Variants in LEMD2 observed in about 807,000 individuals in gnomAD.
LEMD2 encodes the protein LEM domain-containing protein 2.
Under a neutral mutation model 58.8 loss-of-function variants are expected in LEMD2, and 34 were observed. The observed-to-expected ratio is 0.58, with a 90% CI of 0.44 to 0.77. The LOEUF is 0.77. Ranked by LOEUF, LEMD2 falls within the 30% of genes least tolerant of loss-of-function variation. The probability of loss-of-function intolerance (pLI) is 0.00; values close to 1 mark genes in which losing one functional copy is unlikely to be tolerated. For missense variants in LEMD2, 629 were observed against 717.9 expected (o/e 0.88, Z 1.42); for synonymous variants, 298 against 308.9 (o/e 0.96, Z 0.37).
Position 33,789,086 on chromosome 6 carries a change from G to T in LEMD2, c.31C>A (p.Arg11=), listed in dbSNP as rs775071543. 1.3e-6 allele frequency: 2 copies of T among 1,540,984 alleles called. No individual in the cohort carries two copies. The highest frequency in any genetic ancestry group is 2.0e-5 in the Admixed American group (1 of 50,770). MAGLSDLELR[R]ELQALGFQPG... The stretch of plus-strand genomic sequence containing the variant: ...TGGAAGCCCAGGGCCTGCAGCTCCC[G>T]CCGCAGTTCCAGGTCCGACAGGCCG... Residue 11 remains arginine (R), a synonymous_variant, in exon 1 of 9, where the codon CGG becomes AGG. Coordinates refer to ENST00000293760, the MANE Select transcript of LEMD2 (RefSeq NM_181336.4).
Position 33,778,171 on chromosome 6 carries a change from A to C in LEMD2, c.1156+71T>G. On this transcript the variant is annotated intron_variant, in intron 6 of 8. Transcript: ENST00000293760. The surrounding 1 kb of genome is among the most constrained non-coding windows in gnomAD (Gnocchi z 4.7). Reference sequence around the variant, plus strand: ...TGAACCCTCCGGGCCTGGAATTTCTATAGCTCATCATTCATGCCTAGGAGT... The same window carrying C: ...TGAACCCTCCGGGCCTGGAATTTCTCTAGCTCATCATTCATGCCTAGGAGT... 7.0e-7 allele frequency: 1 copy of C among 1,422,370 alleles called. No individual in the cohort carries two copies. The highest frequency in any genetic ancestry group is 1.4e-5 in the African/African-American group (1 of 69,254). The allele number at this position is 1,422,370 out of a possible 1,614,324, so 88.1% of individuals were successfully genotyped here. A position where few individuals can be genotyped will look rare whatever the true frequency, so the allele number is the denominator to read the frequency against.
chr6:33,777,437 T>C (rs996503505), intron 6 of LEMD2, among the ~76,000 whole-genome samples, 198 bp from the exon 7 acceptor site: 1 of 152,194 alleles, frequency 6.6e-6, no homozygotes. Flanking sequence ...TAAGTGATCA[T>C]CTTCCTCCCA....
In LEMD2 at chr6:33,788,382, G is replaced by A. The variant is rs1451441441; in HGVS notation, c.735C>T (p.Asn245=). The A allele has an allele frequency of 8.3e-6, 13 of 1,573,000 alleles. No homozygotes were observed. In the East Asian group the frequency reaches 2.8e-4, roughly 34 times the overall value. ...KPSAPQEAED[N]MKLLPVDCER... ...CCCCTGCGCCGGCCCAGGACGTACT[G>A]TTGTCCTCCGCCTCCTGCGGCGCTG... The change falls in exon 1 of 9, where the codon AAC becomes AAT. Residue 245 remains asparagine (N), a splice_region_variant and synonymous_variant. Coordinates refer to ENST00000293760, the MANE Select transcript of LEMD2 (RefSeq NM_181336.4).
At chr6:33,787,633 T>C (rs937367993) in intron 1 of LEMD2, among the ~76,000 whole-genome samples, 8 of 152,260 alleles carry the variant, frequency 5.3e-5, no homozygotes, top group African/African-American at 1.7e-4. Context: ...ATGATCTCTA[T>C]GTTTCCTTTC....
intron 8 of LEMD2, among the ~76,000 whole-genome samples, chr6:33,775,227 A>T (rs1767401650): frequency 6.6e-6 from 1 of 152,248 alleles, no homozygotes; most frequent in Non-Finnish European, 1.5e-5. Flanking sequence ...TGCTGCTGTG[A>T]GTCTGCTCAC....
rs144073406 is a variant in LEMD2 at position 33,774,771 on chromosome 6, T to C, written c.1362-1993A>G. Among the ~76,000 whole-genome samples, 4 of 152,298 alleles carry C rather than the reference T, an allele frequency of 2.6e-5. No homozygotes were observed. The East Asian group carries it at 5.8e-4, about 22-fold the overall frequency. On this transcript the variant is annotated intron_variant, in intron 8 of 8. Transcript: ENST00000293760. ...ATGAACTTTGAGGCCACCACCCTGA[T>C]ACCAACCCCCCTTCCCTTAGGGCTT...
At chr6:33,779,476 TG>T (rs773537406) in intron 5 of LEMD2, 2 of 149,200 alleles carry the variant, frequency 1.3e-5, no homozygotes, top group Non-Finnish European at 1.5e-5. Flanking sequence ...GAGTGGGAAG[TG>T]GGGAAGTGAT....
intron 6 of LEMD2, 105 bp from the exon 7 acceptor site, chr6:33,777,344 G>T: frequency 2.4e-6 from 2 of 825,602 alleles, no homozygotes; most frequent in Non-Finnish European, 2.2e-6. Context: ...CACCACATGG[G>T]TTTGGGTACC....
chr6:33,788,582 G>T lies in LEMD2; in HGVS notation c.535C>A (p.Pro179Thr). The change falls in exon 1 of 9, where the codon CCC becomes ACC. Residue 179 changes from proline (P) to threonine (T), a missense_variant. Transcript: ENST00000293760. ...GCCCGCAGGCCCGGGCGCGGGTCGGGACCGAGGAGGGAGGAAGGCAGCCGC... is the reference window on the plus strand; with the variant it reads ...GCCCGCAGGCCCGGGCGCGGGTCGGTACCGAGGAGGGAGGAAGGCAGCCGC... The part of the protein sequence containing the change: ...PARLPSSLLG[P>T]DPRPGLRATR... 1 of 1,323,872 alleles carries T rather than the reference G, an allele frequency of 7.6e-7. No individual in the cohort carries two copies. The highest frequency in any genetic ancestry group is 9.6e-7 in the Non-Finnish European group (1 of 1,040,928). The allele number at this position is 1,323,872 out of a possible 1,614,324, so 82.0% of individuals were successfully genotyped here. A position where few individuals can be genotyped will look rare whatever the true frequency, so the allele number is the denominator to read the frequency against.
chr6:33,788,739 C>A lies in LEMD2; in HGVS notation c.378G>T (p.Pro126=). 2.1e-6 allele frequency: 3 copies of A among 1,432,472 alleles called. No homozygotes were observed. Among genetic ancestry groups the A allele is most frequent in the Non-Finnish European group, 2.7e-6 (3 of 1,094,522 alleles). 88.7% of individuals were successfully genotyped at this position (1,432,472 alleles called of 1,614,324 possible). The change falls in exon 1 of 9, where the codon CCG becomes CCT. Residue 126 remains proline (P), a synonymous_variant. Coordinates refer to ENST00000293760, the MANE Select transcript of LEMD2 (RefSeq NM_181336.4). The part of the protein sequence containing the change: ...GSRGLAYPAR[P]AQLRRRASVR... ...CCGAGGCGCGGCGCCTGAGTTGCGC[C>A]GGGCGGGCAGGATAGGCGAGGCCGC...
chr6:33,783,004 C>T (rs755806592), intron 3 of LEMD2, among the ~76,000 whole-genome samples: 38 of 152,256 alleles, frequency 2.5e-4, no homozygotes, highest in Non-Finnish European at 4.6e-4. Flanking sequence ...TCTACTAGGA[C>T]CCAATTTCGA....
Position 33,772,565 on chromosome 6 carries a change from CCTG to C in LEMD2, c.*60_*62del. 6.5e-7 allele frequency: 1 copy of C among 1,526,952 alleles called. No individual in the cohort carries two copies. The highest frequency in any genetic ancestry group is 8.9e-7 in the Non-Finnish European group (1 of 1,120,942). 94.6% of individuals were successfully genotyped at this position (1,526,952 alleles called of 1,614,324 possible). A position where few individuals can be genotyped will look rare whatever the true frequency, so the allele number is the denominator to read the frequency against. ...TCAGCACCGCAGGCCTGGTGACCCTCCTGTGCCTCTGGAGTGGGCTGTCCTGGG... is the reference window on the plus strand; with the variant it reads ...TCAGCACCGCAGGCCTGGTGACCCTCTGCCTCTGGAGTGGGCTGTCCTGGG... On this transcript the variant is annotated 3_prime_UTR_variant, in exon 9 of 9. Coordinates refer to ENST00000293760, the MANE Select transcript of LEMD2 (RefSeq NM_181336.4).
In LEMD2 at chr6:33,788,569, G is replaced by C. The variant is rs1582265836; in HGVS notation, c.548C>G (p.Pro183Arg). The C allele has an allele frequency of 7.2e-7, 1 of 1,395,988 alleles. No homozygotes were observed. The highest frequency in any genetic ancestry group is 1.6e-5 in the South Asian group (1 of 63,304). 86.5% of individuals were successfully genotyped at this position (1,395,988 alleles called of 1,614,324 possible). A position where few individuals can be genotyped will look rare whatever the true frequency, so the allele number is the denominator to read the frequency against. Residue 183 changes from proline to arginine, a missense_variant, in exon 1 of 9, where the codon CCG (proline) becomes CGG (arginine). Physicochemically the swap from Pro to Arg is moderately radical, Grantham distance 103. Transcript: ENST00000293760. Reference protein sequence around the residue: ...PSSLLGPDPRPGLRATRAGPA... With the variant: ...PSSLLGPDPRRGLRATRAGPA... ...GCCCGCTCGAGTCGCCCGCAGGCCC[G>C]GGCGCGGGTCGGGACCGAGGAGGGA...
Position 33,789,061 on chromosome 6 carries a change from T to C in LEMD2, c.56A>G (p.Gln19Arg). ...LRRELQALGF[Q>R]PGPITDTTRD... ...GGTGGTGTCGGTGATGGGTCCTGGC[T>C]GGAAGCCCAGGGCCTGCAGCTCCCG... is the stretch of plus-strand genomic sequence containing the variant. Residue 19 changes from glutamine (Q) to arginine (R), a missense_variant, in exon 1 of 9, where the codon CAG (glutamine) becomes CGG (arginine). Gln to Arg is a conservative substitution (Grantham distance 43). Around this residue, in one of 2 missense-constraint regions of LEMD2, gnomAD observed 386 missense variants for 381.1 expected, o/e 1.01. Transcript: ENST00000293760. 6.4e-7 allele frequency: 1 copy of C among 1,551,580 alleles called. No homozygotes were observed.
intron 4 of LEMD2, among the ~76,000 whole-genome samples, chr6:33,780,787 C>T (rs571763475): frequency 1.8e-4 from 27 of 152,266 alleles, no homozygotes; most frequent in African/African-American, 5.8e-4. Context: ...GAAGGCAAGA[C>T]GAGCAAAGTG....
intron 6 of LEMD2, among the ~76,000 whole-genome samples, chr6:33,777,745 G>A (rs1448292889): frequency 1.3e-5 from 2 of 152,216 alleles, no homozygotes; most frequent in African/African-American, 4.8e-5. Flanking sequence ...TGAGGTCTCT[G>A]CTCAAAGGCG....
At position 33,788,727 on chromosome 6, in the gene LEMD2, C is replaced by T; in HGVS notation, c.390G>A (p.Arg130=). 1 of 1,425,454 alleles carries T rather than the reference C, an allele frequency of 7.0e-7. No individual in the cohort carries two copies. The highest frequency in any genetic ancestry group is 9.2e-7 in the Non-Finnish European group (1 of 1,090,550). 88.3% of individuals were successfully genotyped at this position (1,425,454 alleles called of 1,614,324 possible). The stretch of plus-strand genomic sequence containing the variant: ...AGCTGCCCCGGACCGAGGCGCGGCG[C>T]CTGAGTTGCGCCGGGCGGGCAGGAT... ...LAYPARPAQL[R]RRASVRGSSE... The change falls in exon 1 of 9, where the codon AGG becomes AGA. Residue 130 remains arginine (R), a synonymous_variant. Transcript: ENST00000293760.
chr6:33,777,100 G>T (rs764327636), intron 7 of LEMD2, 38 bp downstream of exon 7: 12 of 1,609,654 alleles, frequency 7.5e-6, no homozygotes, highest in Non-Finnish European at 1.0e-5. Flanking sequence ...CCCTCTGGCT[G>T]GCGTCGGCAA....
In LEMD2 at chr6:33,778,301, C is replaced by G; in HGVS notation, c.1097G>C (p.Gly366Ala). 2 of 1,609,532 alleles carry G rather than the reference C, an allele frequency of 1.2e-6. No individual in the cohort carries two copies. Among genetic ancestry groups the G allele is most frequent in the Non-Finnish European group, 1.7e-6 (2 of 1,177,480 alleles). The change falls in exon 6 of 9, where the codon GGC becomes GCC. Residue 366 changes from glycine (G) to alanine (A), a missense_variant. Coordinates refer to ENST00000293760, the MANE Select transcript of LEMD2 (RefSeq NM_181336.4). The surrounding 1 kb of genome is among the most constrained non-coding windows in gnomAD (Gnocchi z 4.7). ...GAGCAAGGCCCGGCTCAGGCGGCAG[C>G]CAACACCCATGCGGGGGTGGGCAGA... ...LESAHPRMGV[G>A]CRLSRALLTA...
Sources: gnomAD v4.1 joint callset for allele counts (sites outside exome capture counted in the v4.1 genomes callset) on GRCh38, gnomAD v4.1.1 for gene constraint, gnomAD v4.1.1 regional missense constraint, Gnocchi (gnomAD v3.1) non-coding constraint, MANE v1.5 for transcripts, NCBI Gene and HGNC (gene_info 2026-07-23, HGNC 2026-07-21) for gene names.